PDE4D: variants seen among roughly 807,000 people sequenced by gnomAD.
The protein encoded by PDE4D is 3',5'-cyclic-AMP phosphodiesterase 4D.
Under a neutral mutation model 87.4 loss-of-function variants are expected in PDE4D, and 24 were observed. The observed-to-expected ratio is 0.27, with a 90% CI of 0.20 to 0.39. PDE4D has a LOEUF of 0.39. Ranked by LOEUF, PDE4D falls within the 10% of genes least tolerant of loss-of-function variation. The probability of loss-of-function intolerance (pLI) is 1.00; values close to 1 mark genes in which losing one functional copy is unlikely to be tolerated. For missense variants in PDE4D, 714 were observed against 1,041.0 expected (o/e 0.69, Z 4.32); for synonymous variants, 384 against 383.2 (o/e 1.00, Z -0.02).
At chr5:58,976,606 T>A (rs1392802602) in intron 12 of PDE4D, 134 bp from the exon 13 acceptor site, 11 of 699,642 alleles carry the variant, frequency 1.6e-5, no homozygotes, top group Non-Finnish European at 2.6e-5. Context: ...TCCTTACTAC[T>A]CCTTGGGGGC....
chr5:60,437,455 C>T (rs1439284588), intron 1 of PDE4D, among the ~76,000 whole-genome samples: 1 of 152,104 alleles, frequency 6.6e-6, no homozygotes, highest in Non-Finnish European at 1.5e-5. Context: ...TTTGACTCTA[C>T]AGCACAAGAA....
chr5:59,886,220 A>G (rs1178846075), intron 1 of PDE4D, among the ~76,000 whole-genome samples: 1 of 152,254 alleles, frequency 6.6e-6, no homozygotes, highest in African/African-American at 2.4e-5. Context: ...CTGCTAGAGT[A>G]CAAATAATAT....
chr5:59,495,864 G>A (rs1807090998), intron 1 of PDE4D, among the ~76,000 whole-genome samples: 1 of 152,148 alleles, frequency 6.6e-6, no homozygotes, highest in Non-Finnish European at 1.5e-5. Context: ...GCATCTAGGG[G>A]TGGATGTTTA....
intron 11 of PDE4D, among the ~76,000 whole-genome samples, chr5:58,980,523 T>C (rs10461656): frequency 0.66 from 99,814 of 152,006 alleles, 32,877 homozygotes; most frequent in Middle Eastern, 0.74. Context: ...ATGCATACCT[T>C]TACAAACTCA....
intron 1 of PDE4D, among the ~76,000 whole-genome samples, chr5:59,670,729 TTATAA>T (rs1294383909): frequency 1.3e-5 from 2 of 152,200 alleles, no homozygotes; most frequent in Non-Finnish European, 2.9e-5. Flanking sequence ...AGAAATGTAA[TTATAA>T]TAAAGTGGAA....
At chr5:59,987,558 A>C (rs1173996128) in intron 3 of PDE4D, 1 of 152,200 alleles carries the variant, frequency 6.6e-6, no homozygotes, top group African/African-American at 2.4e-5. Flanking sequence ...TCCTAACTTT[A>C]ACAAGATCCA....
intron 1 of PDE4D, among the ~76,000 whole-genome samples, chr5:59,806,772 A>C (rs1193195290): frequency 6.6e-6 from 1 of 152,200 alleles, no homozygotes; most frequent in Admixed American, 6.5e-5. Context: ...GTGGATTTTA[A>C]GTGTTTTCAC....
chr5:59,629,303 GT>G (rs765841469), intron 1 of PDE4D, among the ~76,000 whole-genome samples: 4 of 152,094 alleles, frequency 2.6e-5, no homozygotes, highest in Non-Finnish European at 5.9e-5. Flanking sequence ...TGGAAATAGG[GT>G]TTTTGCAGAT....
At chr5:59,630,162 T>A (rs1831383455) in intron 1 of PDE4D, among the ~76,000 whole-genome samples, 1 of 152,222 alleles carries the variant, frequency 6.6e-6, no homozygotes, top group African/African-American at 2.4e-5. Flanking sequence ...ACATACACTT[T>A]TATGCATATG....
intron 1 of PDE4D, among the ~76,000 whole-genome samples, chr5:60,510,644 G>A (rs1750529882): frequency 6.6e-6 from 1 of 152,212 alleles, no homozygotes. Context: ...AAGGGCAAGA[G>A]TACGGAGGGC....
chr5:60,293,174 CCT>C (rs1753058483), intron 1 of PDE4D, among the ~76,000 whole-genome samples: 1 of 151,932 alleles, frequency 6.6e-6, no homozygotes, highest in African/African-American at 2.4e-5. Context: ...ATAAGCCACC[CCT>C]GTTGAAGAGT....
intron 1 of PDE4D, among the ~76,000 whole-genome samples, chr5:60,516,667 C>G (rs1750814229): frequency 6.6e-6 from 1 of 152,142 alleles, no homozygotes; most frequent in Non-Finnish European, 1.5e-5. Flanking sequence ...AAAATGATAC[C>G]AACAATAATG....
chr5:59,824,364 T>G (rs1379276132), intron 1 of PDE4D, among the ~76,000 whole-genome samples: 1 of 152,198 alleles, frequency 6.6e-6, no homozygotes, highest in Non-Finnish European at 1.5e-5. Context: ...TGGTGGTTAC[T>G]GTACCACTGT....
At chr5:59,333,183 T>A (rs527578294) in intron 1 of PDE4D, among the ~76,000 whole-genome samples, 17 of 152,184 alleles carry the variant, frequency 1.1e-4, no homozygotes, top group African/African-American at 4.1e-4. Flanking sequence ...CGAATCCAGT[T>A]CTCTAGGTCA....
rs539474241 is a variant in PDE4D, at chr5:59,970,367, T to G, written c.272+18121A>C. Reference sequence around the variant, plus strand: ...CCAAAATTGACAAATGGGATCTAATTAAACTAAAGAGCTTCTGTACAGCAA... The same window carrying G: ...CCAAAATTGACAAATGGGATCTAATGAAACTAAAGAGCTTCTGTACAGCAA... On this transcript the variant is annotated intron_variant, in intron 3 of 16. Transcript: ENST00000502484. Among the ~76,000 whole-genome samples, 4 of 152,208 alleles carry G rather than the reference T, an allele frequency of 2.6e-5. No individual in the cohort carries two copies. In the East Asian group the frequency reaches 7.7e-4, roughly 29 times the overall value.
At chr5:59,950,038 G>T (rs1758135055) in intron 3 of PDE4D, among the ~76,000 whole-genome samples, 1 of 152,156 alleles carries the variant, frequency 6.6e-6, no homozygotes, top group African/African-American at 2.4e-5. Flanking sequence ...CTTTAAGGAA[G>T]ATTTTCAAAA....
At chr5:59,275,899 T>C in intron 1 of PDE4D, 1 of 985,268 alleles carries the variant, frequency 1.0e-6, no homozygotes, top group Non-Finnish European at 1.2e-6. Flanking sequence ...AGGAAAACAC[T>C]CCTCTCCGTG....
At chr5:60,011,515 C>T (rs569730889) in intron 2 of PDE4D, among the ~76,000 whole-genome samples, 1 of 152,130 alleles carries the variant, frequency 6.6e-6, no homozygotes, top group Non-Finnish European at 1.5e-5. Flanking sequence ...ACGTTTACTT[C>T]TATACATTTC....
chr5:59,182,373 C>G (rs1741867092), intron 4 of PDE4D, among the ~76,000 whole-genome samples: 1 of 151,860 alleles, frequency 6.6e-6, no homozygotes, highest in South Asian at 2.1e-4. Context: ...TTCCCCCCAC[C>G]ACCTCAGCCT....
Sources: allele counts gnomAD v4.1 joint callset (sites outside exome capture counted in the v4.1 genomes callset), GRCh38; gene constraint gnomAD v4.1.1; transcripts MANE v1.5; gene names NCBI Gene and HGNC (gene_info 2026-07-23, HGNC 2026-07-21).